PUDP: variants seen among roughly 807,000 people sequenced by gnomAD.
PUDP encodes the protein pseudouridine-5'-phosphatase.
In PUDP, 8 loss-of-function variants were observed where a neutral mutation model predicts 9.4. That is an observed-to-expected ratio of 0.85 (90% confidence interval 0.50 to 1.53). The LOEUF (loss-of-function observed/expected upper bound fraction) is 1.53. Ranked by LOEUF, PUDP falls within the 40% of genes most tolerant of loss-of-function variation. The pLI is 0.00. For missense variants in PUDP, 188 were observed against 189.7 expected, an observed-to-expected ratio of 0.99 and a Z score of 0.05; for synonymous variants, 99 against 80.7, an observed-to-expected ratio of 1.23 and a Z score of -1.22.
chrX:7,064,058 C>T (rs1205837104), intron 3 of PUDP, among the ~76,000 whole-genome samples: 2 of 111,917 alleles, frequency 1.8e-5, no homozygotes, highest in Non-Finnish European at 3.8e-5. Context: ...ATAATCATGA[C>T]GACTGTTTAC....
intron 3 of PUDP, among the ~76,000 whole-genome samples, chrX:6,739,726 C>T (rs1467117932): frequency 8.9e-6 from 1 of 112,139 alleles, no homozygotes; most frequent in Non-Finnish European, 1.9e-5. Context: ...GATAGAGGCA[C>T]AAATATTCCC....
rs1394902536 is a variant in PUDP, at chrX:7,092,689, A to G, written c.280+12931T>C. On this transcript the variant is annotated intron_variant, in intron 2 of 3. Coordinates refer to ENST00000381077, the MANE Select transcript of PUDP (RefSeq NM_012080.5). Reference sequence around the variant, plus strand: ...TAGAAGTGGTGCAGAAACCACCTCAAGAGAGTAGGCGTGGTGCGAGGTACT... The same window carrying G: ...TAGAAGTGGTGCAGAAACCACCTCAGGAGAGTAGGCGTGGTGCGAGGTACT... Among the ~76,000 whole-genome samples, 28 of 111,928 alleles carry G rather than the reference A, an allele frequency of 2.5e-4. 1 individual carries two copies. The highest frequency in any genetic ancestry group is 2.9e-4 in the African/African-American group (9 of 30,701).
At chrX:6,891,373 T>C (rs1162100689) in intron 3 of PUDP, among the ~76,000 whole-genome samples, 1 of 112,333 alleles carries the variant, frequency 8.9e-6, no homozygotes, top group African/African-American at 3.2e-5. Context: ...CTGTCTTTCA[T>C]TGCTATGCCT....
chrX:7,051,441 T>C (rs1443152797), intron 3 of PUDP, among the ~76,000 whole-genome samples: 1 of 111,575 alleles, frequency 9.0e-6, no homozygotes, highest in Non-Finnish European at 1.9e-5. Context: ...CACTGTTCGG[T>C]TGACGTGTGT....
intron 1 of PUDP, among the ~76,000 whole-genome samples, chrX:7,114,571 A>G (rs1932144989): frequency 8.9e-6 from 1 of 111,783 alleles, no homozygotes; most frequent in Non-Finnish European, 1.9e-5. Context: ...CATGAGTTTC[A>G]GAGAGAACAA....
chrX:6,764,808 C>G (rs1238744095), intron 3 of PUDP, among the ~76,000 whole-genome samples: 1 of 111,539 alleles, frequency 9.0e-6, no homozygotes, highest in African/African-American at 3.3e-5. Flanking sequence ...AAGGAACATA[C>G]TGAAAAAATA....
chrX:6,997,350 G>A (rs1356348306), intron 1 of PUDP, among the ~76,000 whole-genome samples: 1 of 112,317 alleles, frequency 8.9e-6, no homozygotes, highest in Non-Finnish European at 1.9e-5. Context: ...CAGCAAGACA[G>A]AATATCTCCT....
At chrX:7,107,914 G>A (rs771310411) in intron 1 of PUDP, among the ~76,000 whole-genome samples, 1 of 112,485 alleles carries the variant, frequency 8.9e-6, no homozygotes, top group Non-Finnish European at 1.9e-5. Context: ...TGCACCACAC[G>A]GCAGGATTCG....
intron 1 of PUDP, among the ~76,000 whole-genome samples, chrX:7,014,753 T>G (rs1929524638): frequency 8.9e-6 from 1 of 111,806 alleles, no homozygotes; most frequent in Non-Finnish European, 1.9e-5. Flanking sequence ...TAGAGATTAA[T>G]CTTATCTAGA....
chrX:6,818,927 AGATGAT>A (rs200926643), intron 3 of PUDP, among the ~76,000 whole-genome samples: 2 of 112,180 alleles, frequency 1.8e-5, no homozygotes, highest in Non-Finnish European at 3.8e-5. Context: ...GGAATATTAA[AGATGAT>A]GATAGTTCAA....
intron 1 of PUDP, among the ~76,000 whole-genome samples, chrX:7,119,992 G>GCA (rs1312640384): frequency 8.9e-6 from 1 of 111,815 alleles, no homozygotes; most frequent in Non-Finnish European, 1.9e-5. Context: ...AAATTAAAAG[G>GCA]CACATACACA....
intron 3 of PUDP, among the ~76,000 whole-genome samples, chrX:6,869,653 A>T (rs1569113991): frequency 9.0e-6 from 1 of 110,855 alleles, no homozygotes; most frequent in Non-Finnish European, 1.9e-5. Flanking sequence ...ACATGCAAAG[A>T]TCCTCAATAT....
chrX:6,721,860 G>A (rs1449209549), upstream of PUDP, among the ~76,000 whole-genome samples: 2 of 111,717 alleles, frequency 1.8e-5, no homozygotes, highest in African/African-American at 3.2e-5. Flanking sequence ...GCCAAGAATC[G>A]CTAATAATAT....
intron 3 of PUDP, among the ~76,000 whole-genome samples, chrX:6,876,510 A>G (rs1300143828): frequency 9.0e-6 from 1 of 110,693 alleles, no homozygotes; most frequent in African/African-American, 3.3e-5. Flanking sequence ...ACATAAACAT[A>G]TAGACATATA....
intron 3 of PUDP, among the ~76,000 whole-genome samples, chrX:7,060,766 G>A (rs1423844901): frequency 8.9e-6 from 1 of 112,573 alleles, no homozygotes; most frequent in Non-Finnish European, 1.9e-5. Flanking sequence ...CGACAGATGA[G>A]GCAGATTTCA....
At chrX:6,915,342 T>G (rs6530000) in intron 3 of PUDP, among the ~76,000 whole-genome samples, 37,908 of 111,225 alleles carry the variant, frequency 0.34, 5,577 homozygotes, top group African/African-American at 0.56. Flanking sequence ...TTAGACACAA[T>G]ATATTTTGAA....
At chrX:6,736,153 T>G (rs1274544282) in intron 3 of PUDP, among the ~76,000 whole-genome samples, 2 of 111,842 alleles carry the variant, frequency 1.8e-5, no homozygotes, top group Admixed American at 1.9e-4. Flanking sequence ...AAAAAAACAT[T>G]GAAAACTTTA....
chrX:6,935,047 C>T, intron 3 of PUDP, among the ~76,000 whole-genome samples: 1 of 84,773 alleles, frequency 1.2e-5, no homozygotes, highest in Non-Finnish European at 2.3e-5. Context: ...GACTTTAACA[C>T]CCCACTGTCA....
chrX:6,881,137 C>T (rs1005521650), intron 3 of PUDP, among the ~76,000 whole-genome samples: 5 of 112,136 alleles, frequency 4.5e-5, no homozygotes, highest in Non-Finnish European at 9.4e-5. Flanking sequence ...ATATGGTCAA[C>T]GATCTCAGGG....
Sources: allele counts gnomAD v4.1 joint callset (sites outside exome capture counted in the v4.1 genomes callset), GRCh38; gene constraint gnomAD v4.1.1; transcripts MANE v1.5; gene names NCBI Gene and HGNC (gene_info 2026-07-23, HGNC 2026-07-21).